The following SORCS3 variants were observed in gnomAD, a reference collection of about 807,000 sequenced individuals.
The protein encoded by SORCS3 is sortilin related VPS10 domain containing receptor 3.
SORCS3 carries 57 observed loss-of-function variants against 146.3 expected under a neutral mutation model. That is an observed-to-expected ratio of 0.39 (90% CI 0.31 to 0.49). SORCS3 has a LOEUF of 0.49. SORCS3 is among the 20% of genes least tolerant of loss of function. SORCS3 has a pLI of 0.92. For synonymous variants in SORCS3, 653 were observed against 618.5 expected (o/e 1.06, Z -0.83); for missense variants, 1,341 against 1,575.5 (o/e 0.85, Z 2.52).
intron 2 of SORCS3, among the ~76,000 whole-genome samples, chr10:104,880,752 T>G (rs113129441): frequency 1.8e-3 from 279 of 152,278 alleles, no homozygotes; most frequent in Non-Finnish European, 3.0e-3. Flanking sequence ...CCTGACCCCC[T>G]GCCTTACTCT....
At position 104,928,530 on chromosome 10, in the gene SORCS3, A is replaced by AT. The variant is rs397781548; in HGVS notation, c.795+12607dup. 3.0e-3 allele frequency among the ~76,000 whole-genome samples: 451 copies of AT among 151,208 alleles called. 2 individuals are homozygous for AT. The highest frequency in any genetic ancestry group is 0.019 in the South Asian group (90 of 4,792). ...CACCACTGGTGAAAGAAATGACTCG[A>AT]TTTTTTTTTCTTCAACCAAGCAGAG... On this transcript the variant is annotated intron_variant, in intron 3 of 26. Coordinates refer to ENST00000369701, the MANE Select transcript of SORCS3 (RefSeq NM_014978.3).
At chr10:105,038,407 C>T (rs1258959957) in intron 4 of SORCS3, among the ~76,000 whole-genome samples, 1 of 152,060 alleles carries the variant, frequency 6.6e-6, no homozygotes. Context: ...GGGACATTGT[C>T]CTATTTTTGG....
chr10:104,750,963 TC>T (rs1486648952), intron 1 of SORCS3, among the ~76,000 whole-genome samples: 2 of 152,186 alleles, frequency 1.3e-5, no homozygotes, highest in East Asian at 3.8e-4. Context: ...GAATATCGTG[TC>T]TATAATATTT....
intron 1 of SORCS3, among the ~76,000 whole-genome samples, chr10:104,684,320 G>A (rs1470690143): frequency 1.3e-5 from 2 of 152,220 alleles, no homozygotes; most frequent in African/African-American, 4.8e-5. Context: ...CATTCTGTAA[G>A]CACTATGGTG....
At chr10:105,150,689 A>G (rs1276518927) in intron 9 of SORCS3, among the ~76,000 whole-genome samples, 1 of 152,196 alleles carries the variant, frequency 6.6e-6, no homozygotes, top group Admixed American at 6.6e-5. Context: ...TCTAGAAAAC[A>G]TGTAATACCA....
rs372377130 is a variant in SORCS3, at chr10:104,868,051, C to T, written c.695+25192C>T. ...TCCCTGTGGTTCCTAGAAACAGGAGCCCCTATCCTTGCTTCATATTTTCAT... is the reference window on the plus strand; with the variant it reads ...TCCCTGTGGTTCCTAGAAACAGGAGTCCCTATCCTTGCTTCATATTTTCAT... On this transcript the variant is annotated intron_variant, in intron 2 of 26. Coordinates refer to ENST00000369701, the MANE Select transcript of SORCS3 (RefSeq NM_014978.3). 1.8e-4 allele frequency among the ~76,000 whole-genome samples: 27 copies of T among 152,296 alleles called. No homozygotes were observed. The East Asian group carries it at 4.6e-3, about 26-fold the overall frequency.
intron 4 of SORCS3, among the ~76,000 whole-genome samples, chr10:105,012,771 T>C (rs1195344157): frequency 1.3e-5 from 2 of 152,168 alleles, no homozygotes; most frequent in Non-Finnish European, 2.9e-5. Flanking sequence ...ATGAAAATAT[T>C]GTACGTTGAA....
At chr10:104,696,682 A>T (rs368776587) in intron 1 of SORCS3, among the ~76,000 whole-genome samples, 214 of 11,524 alleles carry the variant, frequency 0.019, 9 homozygotes, top group South Asian at 0.022. Context: ...TAACATATAT[A>T]ATATATAATA....
chr10:105,066,292 A>G (rs950372168), intron 5 of SORCS3, among the ~76,000 whole-genome samples: 73 of 152,296 alleles, frequency 4.8e-4, no homozygotes, highest in Non-Finnish European at 9.4e-4. Context: ...CTCTTCTTCA[A>G]CATTCAGGGC....
intron 14 of SORCS3, among the ~76,000 whole-genome samples, chr10:105,192,751 A>G (rs1304911314): frequency 2.6e-5 from 4 of 152,124 alleles, no homozygotes; most frequent in African/African-American, 9.7e-5. Flanking sequence ...GCTTCCTAGG[A>G]ACAAATTCTG....
At chr10:104,894,355 A>T (rs947162952) in intron 2 of SORCS3, among the ~76,000 whole-genome samples, 5 of 152,230 alleles carry the variant, frequency 3.3e-5, no homozygotes, top group African/African-American at 1.2e-4. Context: ...TGGAATGAGC[A>T]GTGGTGGTGA....
rs1423768167 is a variant in SORCS3 at position 105,008,393 on chromosome 10, A to G, written c.954+30900A>G. 2.0e-5 allele frequency among the ~76,000 whole-genome samples: 3 copies of G among 152,172 alleles called. No homozygotes were observed. In the East Asian group the frequency reaches 5.8e-4, roughly 29 times the overall value. On this transcript the variant is annotated intron_variant, in intron 4 of 26. Coordinates refer to ENST00000369701, the MANE Select transcript of SORCS3 (RefSeq NM_014978.3). ...TTCTTCACTTTAACAGCCTCTGACC[A>G]AGGAAATATATTCAAACCTGGCTGA...
At chr10:104,920,308 A>G (rs2019074845) in intron 3 of SORCS3, among the ~76,000 whole-genome samples, 1 of 152,236 alleles carries the variant, frequency 6.6e-6, no homozygotes, top group Non-Finnish European at 1.5e-5. Context: ...GTATTCATGT[A>G]GTTGCTCCCA....
chr10:104,880,795 G>A (rs2018622926), intron 2 of SORCS3, among the ~76,000 whole-genome samples: 2 of 152,150 alleles, frequency 1.3e-5, no homozygotes, highest in South Asian at 4.1e-4. Context: ...CACAGAGGTA[G>A]CACGTGTTGA....
intron 2 of SORCS3, among the ~76,000 whole-genome samples, chr10:104,891,674 G>A (rs1217327660): frequency 6.6e-6 from 1 of 152,130 alleles, no homozygotes; most frequent in Admixed American, 6.5e-5. Context: ...TTTCATGTGA[G>A]CGGGTAAATT....
chr10:104,969,404 G>A (rs1387755322), intron 3 of SORCS3, among the ~76,000 whole-genome samples: 1 of 151,600 alleles, frequency 6.6e-6, no homozygotes, highest in Non-Finnish European at 1.5e-5. Context: ...TAATAGGCAA[G>A]TTGCTTTTCT....
chr10:104,828,718 A>G (rs1024976658), intron 1 of SORCS3, among the ~76,000 whole-genome samples: 11 of 152,160 alleles, frequency 7.2e-5, no homozygotes, highest in Admixed American at 5.2e-4. Context: ...GAAACACAGT[A>G]AAACAAGGTA....
intron 1 of SORCS3, among the ~76,000 whole-genome samples, chr10:104,804,969 A>T (rs1363006914): frequency 6.6e-6 from 1 of 152,194 alleles, no homozygotes; most frequent in Non-Finnish European, 1.5e-5. Context: ...TGGAGTTTAG[A>T]TAAGTAGATC....
chr10:104,954,785 T>C (rs1014616972), intron 3 of SORCS3, among the ~76,000 whole-genome samples: 2 of 152,168 alleles, frequency 1.3e-5, no homozygotes, highest in African/African-American at 4.8e-5. Context: ...TTAGATTGAC[T>C]GTTATTATTA....
Sources: allele counts gnomAD v4.1 joint callset (sites outside exome capture counted in the v4.1 genomes callset), GRCh38; gene constraint gnomAD v4.1.1; transcripts MANE v1.5; gene names NCBI Gene and HGNC (gene_info 2026-07-23, HGNC 2026-07-21).